ZDHHC6: variants seen among roughly 807,000 people sequenced by gnomAD.
ZDHHC6 encodes the protein palmitoyltransferase ZDHHC6.
Under a neutral mutation model 57.8 loss-of-function variants are expected in ZDHHC6, and 32 were observed. The ratio of observed to expected loss-of-function variants is 0.55; its 90% CI spans 0.42 to 0.74. ZDHHC6 has a LOEUF of 0.74. Ranked by LOEUF, ZDHHC6 falls within the 30% of genes least tolerant of loss-of-function variation. The pLI, the probability that ZDHHC6 is intolerant of heterozygous loss-of-function variation, is 0.00. For missense variants in ZDHHC6, 433 were observed against 500.7 expected (o/e 0.86, Z 1.29); for synonymous variants, 128 against 158.0 (o/e 0.81, Z 1.42).
In ZDHHC6 at chr10:112,432,435, G is replaced by A. The variant is rs779293636; in HGVS notation, c.1032C>T (p.Thr344=). 18 of 1,613,986 alleles carry A rather than the reference G, an allele frequency of 1.1e-5. No homozygotes were observed. Among genetic ancestry groups the A allele is most frequent in the South Asian group, 4.4e-5 (4 of 91,088 alleles). The change falls in exon 9 of 11, where the codon ACC becomes ACT. Residue 344 remains threonine, a synonymous_variant. Transcript: ENST00000369405. ...TTTGCAGCTGTATTCGAGGCTCTTC[G>A]GTGCAGGGACTTGTGAAGAAGGTTT... ...GIKTFFTSPC[T]EEPRIQLQKG... is the part of the protein sequence containing the mutation.
chr10:112,432,643 TC>T, intron 8 of ZDHHC6, 122 bp from the exon 9 acceptor site: 1 of 1,216,928 alleles, frequency 8.2e-7, no homozygotes, highest in Non-Finnish European at 1.1e-6. Context: ...TAGTTCCCCT[TC>T]TAGGGGAACC....
chr10:112,437,454 A>G (rs1018585810), intron 6 of ZDHHC6, among the ~76,000 whole-genome samples: 63 of 152,312 alleles, frequency 4.1e-4, no homozygotes, highest in African/African-American at 1.3e-3. Flanking sequence ...CAAGTTTTCA[A>G]TGTAATACGG....
chr10:112,440,482 A>C, intron 5 of ZDHHC6, 52 bp downstream of exon 5: 2 of 1,545,040 alleles, frequency 1.3e-6, no homozygotes, highest in Admixed American at 3.6e-5. Context: ...TTTCTTGTGC[A>C]ATCAGTCCCA....
In ZDHHC6 at chr10:112,430,878, T is replaced by G. The variant is rs1436027761; in HGVS notation, c.1168A>C (p.Arg390=). 6.2e-7 allele frequency: 1 copy of G among 1,613,878 alleles called. No individual in the cohort carries two copies. The highest frequency in any genetic ancestry group is 1.1e-5 in the South Asian group (1 of 90,982). Reference sequence around the variant, plus strand: ...CAGGGACACTTTTCCACACATTTTCTAGGGAACCAACCCCTTATTCTTGAA... The same window carrying G: ...CAGGGACACTTTTCCACACATTTTCGAGGGAACCAACCCCTTATTCTTGAA... The part of the protein sequence containing the change: ...GVSRIRGWFP[R]KCVEKCPCDA... Residue 390 remains arginine (R), a synonymous_variant, in exon 11 of 11, where the codon AGA becomes CGA. Transcript: ENST00000369405.
chr10:112,432,650 G>A, intron 8 of ZDHHC6, 129 bp from the exon 9 acceptor site: 1 of 1,141,000 alleles, frequency 8.8e-7, no homozygotes, highest in Non-Finnish European at 1.2e-6. Flanking sequence ...CCTTCTAGGG[G>A]AACCTCCCAG....
At position 112,432,457 on chromosome 10, in the gene ZDHHC6, G is replaced by T; in HGVS notation, c.1010C>A (p.Thr337Asn). Residue 337 changes from threonine (T) to asparagine (N), a missense_variant, in exon 9 of 11, where the codon ACC becomes AAC. Thr to Asn is a moderately conservative substitution (Grantham distance 65). Coordinates refer to ENST00000369405, the MANE Select transcript of ZDHHC6 (RefSeq NM_022494.3). The part of the protein sequence containing the change: ...ACCPLNKGIK[T>N]FFTSPCTEEP... ...TTCGGTGCAGGGACTTGTGAAGAAG[G>T]TTTTGATTCCTTTATTCAGAGGGCA... is the stretch of plus-strand genomic sequence containing the variant. The T allele has an allele frequency of 6.2e-7, 1 of 1,614,132 alleles. No homozygotes were observed.
At chr10:112,447,496 T>G (rs576993605), upstream of ZDHHC6, 32 of 1,609,628 alleles carry the variant, frequency 2.0e-5, no homozygotes, top group South Asian at 2.0e-4. Flanking sequence ...TGGACGAGGG[T>G]GCTGGGGAGA....
downstream of ZDHHC6, chr10:112,427,429 A>G (rs1844777401): frequency 7.0e-7 from 1 of 1,427,992 alleles, no homozygotes; most frequent in South Asian, 1.5e-5. Flanking sequence ...AACTATTCTT[A>G]CATTTGTTTT....
intron 6 of ZDHHC6, among the ~76,000 whole-genome samples, 175 bp from the exon 7 acceptor site, chr10:112,434,639 C>G (rs1050092232): frequency 2.0e-5 from 3 of 152,182 alleles, no homozygotes; most frequent in Non-Finnish European, 2.9e-5. Context: ...ATAGGAAGAA[C>G]TTGATATAGA....
rs553475309 is a variant in ZDHHC6, at chr10:112,437,804, G to A, written c.735+532C>T. Among the ~76,000 whole-genome samples, 23 of 152,308 alleles carry A rather than the reference G, an allele frequency of 1.5e-4. No individual in the cohort carries two copies. In the South Asian group the frequency reaches 4.8e-3, roughly 32 times the overall value. On this transcript the variant is annotated intron_variant, in intron 6 of 10. Transcript: ENST00000369405. The stretch of plus-strand genomic sequence containing the variant: ...ATCTGCCCAGACCCTGCAGGTATTT[G>A]GGTTTCAACCCCTGCCACAGGAATG...
At chr10:112,426,617 C>G, downstream of ZDHHC6, 1 of 644,868 alleles carries the variant, frequency 1.6e-6, no homozygotes, top group Non-Finnish European at 2.7e-6. Flanking sequence ...CTTAGATGTG[C>G]CTTTTCTTCT....
At position 112,432,412 on chromosome 10, in the gene ZDHHC6, T is replaced by C; in HGVS notation, c.1055A>G (p.Gln352Arg). 2 of 1,614,224 alleles carry C rather than the reference T, an allele frequency of 1.2e-6. No homozygotes were observed. The highest frequency in any genetic ancestry group is 8.5e-7 in the Non-Finnish European group (1 of 1,180,038). Residue 352 changes from glutamine to arginine, a missense_variant, in exon 9 of 11, where the codon CAA becomes CGA. Gln to Arg is a conservative substitution (Grantham distance 43). Coordinates refer to ENST00000369405, the MANE Select transcript of ZDHHC6 (RefSeq NM_022494.3). ...PCTEEPRIQL[Q>R]KGEFILATRG... ...TGTGGCTAAAATGAATTCCCCTTTT[T>C]GCAGCTGTATTCGAGGCTCTTCGGT...
chr10:112,439,448 T>C (rs925335188), intron 5 of ZDHHC6, among the ~76,000 whole-genome samples: 1 of 151,438 alleles, frequency 6.6e-6, no homozygotes, highest in Non-Finnish European at 1.5e-5. Context: ...CTGGCCAAGA[T>C]GGTGAAACCC....
At position 112,439,623 on chromosome 10, in the gene ZDHHC6, C is replaced by A. The variant is rs1218921792; in HGVS notation, c.681+911G>T. ...CTAGCCTGGGTGACAGAGTGAGACT[C>A]CGTCTAAAAAAAAAAAAAAAAAAAA... On this transcript the variant is annotated intron_variant, in intron 5 of 10. Transcript: ENST00000369405. Among the ~76,000 whole-genome samples the A allele has an allele frequency of 8.2e-5, 5 of 60,706 alleles. No individual in the cohort carries two copies. The Admixed American group carries it at 1.1e-3, about 13-fold the overall frequency. The allele number at this position is 60,706 out of a possible 152,430, so 39.8% of individuals were successfully genotyped here. A position where few individuals can be genotyped will look rare whatever the true frequency, so the allele number is the denominator to read the frequency against.
At chr10:112,446,503 A>T (rs1846746096) in intron 1 of ZDHHC6, 1 of 152,152 alleles carries the variant, frequency 6.6e-6, no homozygotes, top group Admixed American at 6.6e-5. Flanking sequence ...GATAATACAG[A>T]CTACCACGCA....
chr10:112,445,074 CAGT>C, intron 2 of ZDHHC6, 93 bp downstream of exon 2: 1 of 1,389,604 alleles, frequency 7.2e-7, no homozygotes, highest in Admixed American at 2.4e-5. Context: ...TGAGGACAAA[CAGT>C]AGGCTGTGTT....
At chr10:112,438,506 G>T (rs1471282652) in intron 5 of ZDHHC6, 117 bp from the exon 6 acceptor site, 2 of 822,894 alleles carry the variant, frequency 2.4e-6, no homozygotes, top group African/African-American at 1.8e-5. Flanking sequence ...AAGATACCAA[G>T]GATAACAGAG....
downstream of ZDHHC6, chr10:112,425,642 C>T: frequency 3.3e-6 from 2 of 612,466 alleles, no homozygotes; most frequent in Non-Finnish European, 5.0e-6. Flanking sequence ...TCAAATAAGG[C>T]AATTTCAATT....
chr10:112,445,302 C>A lies in ZDHHC6; in HGVS notation c.135G>T (p.Trp45Cys), dbSNP rs1382726638. 1.2e-6 allele frequency: 2 copies of A among 1,614,042 alleles called. No individual in the cohort carries two copies. Among genetic ancestry groups the A allele is most frequent in the African/African-American group, 1.3e-5 (1 of 74,924 alleles). Residue 45 changes from tryptophan to cysteine, a missense_variant, in exon 2 of 11, where the codon TGG (tryptophan) becomes TGT (cysteine). Transcript: ENST00000369405. ...STMAMIDSVL[W>C]YWPLHTTGGS... The stretch of plus-strand genomic sequence containing the variant: ...CTCCAGTTGTATGTAAGGGCCAATA[C>A]CACAACACAGAGTCAATCATGGCCA...
Sources: allele counts gnomAD v4.1 joint callset (sites outside exome capture counted in the v4.1 genomes callset), GRCh38; gene constraint gnomAD v4.1.1; transcripts MANE v1.5; gene names NCBI Gene and HGNC (gene_info 2026-07-23, HGNC 2026-07-21).